F13A1: variants seen among roughly 807,000 people sequenced by gnomAD.
The protein encoded by F13A1 is FSF, A subunit.
In F13A1, 47 loss-of-function variants were observed where a neutral mutation model predicts 80.1. The observed-to-expected ratio is 0.59, with a 90% CI of 0.46 to 0.75. The LOEUF (loss-of-function observed/expected upper bound fraction) is 0.75, where lower values mean the gene tolerates loss of function less well. Ranked by LOEUF, F13A1 falls within the 30% of genes least tolerant of loss-of-function variation. F13A1 has a pLI of 0.00. For synonymous variants in F13A1, 349 were observed against 344.9 expected (o/e 1.01, Z -0.13); for missense variants, 817 against 930.4 (o/e 0.88, Z 1.59).
intron 14 of F13A1, among the ~76,000 whole-genome samples, chr6:6,148,581 C>T (rs1561942416): frequency 6.6e-6 from 1 of 152,168 alleles, no homozygotes; most frequent in Non-Finnish European, 1.5e-5. Context: ...TCTGGCGCTC[C>T]TAGATCAGAT....
At chr6:6,169,290 T>C (rs1760730765) in intron 12 of F13A1, 1 of 152,920 alleles carries the variant, frequency 6.5e-6, no homozygotes, top group Admixed American at 6.5e-5. Flanking sequence ...AGGTCTTTGC[T>C]GTTCCTCCTG....
chr6:6,278,751 T>C (rs992352475), intron 3 of F13A1, among the ~76,000 whole-genome samples: 1 of 152,124 alleles, frequency 6.6e-6, no homozygotes, highest in Non-Finnish European at 1.5e-5. Flanking sequence ...AGAAAGTTCC[T>C]GGAGCAGGGG....
chr6:6,298,731 G>A (rs1040919525), intron 3 of F13A1, among the ~76,000 whole-genome samples: 13 of 149,896 alleles, frequency 8.7e-5, no homozygotes, highest in Non-Finnish European at 1.8e-4. Flanking sequence ...TTTAATTGGA[G>A]CATTTAGTCC....
intron 2 of F13A1, among the ~76,000 whole-genome samples, chr6:6,315,159 C>T (rs568514751): frequency 6.6e-6 from 1 of 152,218 alleles, no homozygotes; most frequent in Non-Finnish European, 1.5e-5. Flanking sequence ...AGACCAACAA[C>T]ATAAGGTTTC....
At chr6:6,263,015 C>G (rs1757797926) in intron 4 of F13A1, among the ~76,000 whole-genome samples, 1 of 152,230 alleles carries the variant, frequency 6.6e-6, no homozygotes, top group Non-Finnish European at 1.5e-5. Flanking sequence ...TCCATAGTTT[C>G]AAAGCTTCCC....
intron 10 of F13A1, among the ~76,000 whole-genome samples, chr6:6,194,392 C>T (rs1234768566): frequency 1.3e-5 from 2 of 152,220 alleles, no homozygotes; most frequent in East Asian, 1.9e-4. Context: ...CTCAACTCAT[C>T]CCCCTGCTTT....
intron 3 of F13A1, among the ~76,000 whole-genome samples, chr6:6,279,266 G>C (rs529218802): frequency 6.6e-6 from 1 of 150,456 alleles, no homozygotes; most frequent in Non-Finnish European, 1.5e-5. Context: ...AAACAAGACT[G>C]TGTTATTCTA....
At position 6,173,409 on chromosome 6, in the gene F13A1, C is replaced by CT. The variant is rs4053226; in HGVS notation, c.1747+1170dup. Among the ~76,000 whole-genome samples the CT allele has an allele frequency of 7.8e-4, 61 of 78,102 alleles. 1 individual carries two copies. The highest frequency in any genetic ancestry group is 2.7e-3 in the South Asian group (5 of 1,882). 51.2% of individuals were successfully genotyped at this position (78,102 alleles called of 152,430 possible). A position where few individuals can be genotyped will look rare whatever the true frequency, so the allele number is the denominator to read the frequency against. ...CTTTGTTTCCAGCCTCCATTCTTTT[C>CT]TTTTTTTTTTTTTTTTGAGACGGAG... On this transcript the variant is annotated intron_variant, in intron 12 of 14. Transcript: ENST00000264870.
intron 3 of F13A1, among the ~76,000 whole-genome samples, chr6:6,286,705 G>A (rs1758145120): frequency 6.6e-6 from 1 of 152,208 alleles, no homozygotes; most frequent in African/African-American, 2.4e-5. Context: ...GAGACAGACA[G>A]AGAGGAAGAG....
At chr6:6,307,257 G>A (rs986280184) in intron 2 of F13A1, among the ~76,000 whole-genome samples, 3 of 152,056 alleles carry the variant, frequency 2.0e-5, no homozygotes, top group African/African-American at 4.8e-5. Context: ...GCAGCATTAC[G>A]GCAAGCAGAA....
At position 6,145,215 on chromosome 6, in the gene F13A1, C is replaced by A; in HGVS notation, c.*404G>T. On this transcript the variant is annotated 3_prime_UTR_variant, in exon 15 of 15. Transcript: ENST00000264870. ...GGAATTCTAGAGCCCAAATCATGTGCTATTATTCCCAAAAGGCTGAGTGGG... is the reference window on the plus strand; with the variant it reads ...GGAATTCTAGAGCCCAAATCATGTGATATTATTCCCAAAAGGCTGAGTGGG... 1 of 256,866 alleles carries A rather than the reference C, an allele frequency of 3.9e-6. No homozygotes were observed. Among genetic ancestry groups the A allele is most frequent in the Non-Finnish European group, 7.6e-6 (1 of 130,782 alleles). 15.9% of individuals were successfully genotyped at this position (256,866 alleles called of 1,614,324 possible).
At chr6:6,189,530 T>C (rs1227563872) in intron 10 of F13A1, among the ~76,000 whole-genome samples, 1 of 144,026 alleles carries the variant, frequency 6.9e-6, no homozygotes, top group Non-Finnish European at 1.5e-5. Context: ...ATTCTTTTCT[T>C]TAAGAATGTT....
Position 6,223,661 on chromosome 6 carries a change from T to C in F13A1, c.973+1025A>G, listed in dbSNP as rs182740321. ...TATCCTGTTTGATACTATGGGAAAA[T>C]AAAACAAAACAAAACTCATGACTTT... On this transcript the variant is annotated intron_variant, in intron 7 of 14. Transcript: ENST00000264870. 2.0e-3 allele frequency among the ~76,000 whole-genome samples: 304 copies of C among 152,072 alleles called. 3 individuals carry two copies. Among genetic ancestry groups the C allele is most frequent in the African/African-American group, 7.1e-3 (293 of 41,470 alleles).
Position 6,224,674 on chromosome 6 carries a change from T to C in F13A1, c.973+12A>G, listed in dbSNP as rs775201412. ...TTTATATTAAAAAGAAATTACTCAGTTGGATACTTACATGTGTTAAAGACA... is the reference window on the plus strand; with the variant it reads ...TTTATATTAAAAAGAAATTACTCAGCTGGATACTTACATGTGTTAAAGACA... On this transcript the variant is annotated intron_variant, in intron 7 of 14. Coordinates refer to ENST00000264870, the MANE Select transcript of F13A1 (RefSeq NM_000129.4). The C allele has an allele frequency of 8.7e-6, 14 of 1,612,762 alleles. No individual in the cohort carries two copies. The highest frequency in any genetic ancestry group is 4.2e-6 in the Non-Finnish European group (5 of 1,178,958).
chr6:6,214,327 A>G (rs1761680250), intron 8 of F13A1, among the ~76,000 whole-genome samples: 1 of 151,802 alleles, frequency 6.6e-6, no homozygotes, highest in Admixed American at 6.6e-5. Flanking sequence ...ATAACAAACT[A>G]TGTCTCAGAC....
intron 8 of F13A1, among the ~76,000 whole-genome samples, chr6:6,214,715 C>A (rs1761688224): frequency 1.2e-5 from 1 of 85,428 alleles, no homozygotes; most frequent in African/African-American, 6.0e-5. Context: ...CACAAAAAAC[C>A]CTTCAAAAAA....
At chr6:6,185,952 T>G (rs1561647317) in intron 10 of F13A1, among the ~76,000 whole-genome samples, 1 of 150,276 alleles carries the variant, frequency 6.7e-6, no homozygotes. Context: ...TGGTTTTGAT[T>G]TGCATTTCTC....
In F13A1 at chr6:6,299,912, T is replaced by C. The variant is rs537565811; in HGVS notation, c.319+5439A>G. Among the ~76,000 whole-genome samples, 416 of 147,596 alleles carry C rather than the reference T, an allele frequency of 2.8e-3. 11 individuals carry two copies. Among genetic ancestry groups the C allele is most frequent in the Non-Finnish European group, 4.6e-3 (314 of 67,778 alleles). On this transcript the variant is annotated intron_variant, in intron 3 of 14. Coordinates refer to ENST00000264870, the MANE Select transcript of F13A1 (RefSeq NM_000129.4). ...CTTTTGGTCTTTGATGATGGTGATG[T>C]ACAGATGGGTTTTTGGTGTGGATGT...
At chr6:6,307,377 T>G (rs1321460833) in intron 2 of F13A1, among the ~76,000 whole-genome samples, 1 of 152,220 alleles carries the variant, frequency 6.6e-6, no homozygotes, top group Non-Finnish European at 1.5e-5. Context: ...TGTTTAATTC[T>G]CTAGACCTCT....
Sources: allele counts gnomAD v4.1 joint callset (sites outside exome capture counted in the v4.1 genomes callset), GRCh38; gene constraint gnomAD v4.1.1; transcripts MANE v1.5; gene names NCBI Gene and HGNC (gene_info 2026-07-23, HGNC 2026-07-21).